Variants in WDR89 observed in about 807,000 individuals in gnomAD.
WDR89 encodes WD repeat domain 89.
Under a neutral mutation model 29.1 loss-of-function variants are expected in WDR89, and 17 were observed. The ratio of observed to expected loss-of-function variants is 0.58; its 90% CI spans 0.40 to 0.88. The LOEUF is 0.88. Among genes scored for constraint, WDR89 ranks in the 40% least tolerant of loss-of-function variants. The pLI is 0.00. For missense variants in WDR89, 396 were observed against 456.3 expected (o/e 0.87, Z 1.20); for synonymous variants, 138 against 157.8 (o/e 0.87, Z 0.94).
At chr14:63,626,514 T>C (rs1883058928) in intron 1 of WDR89, among the ~76,000 whole-genome samples, 1 of 148,150 alleles carries the variant, frequency 6.7e-6, no homozygotes, top group African/African-American at 2.5e-5. Flanking sequence ...CCATCTCTAC[T>C]AAAAATACAA....
chr14:63,622,141 G>C (rs964544712), intron 2 of WDR89, among the ~76,000 whole-genome samples: 1 of 152,180 alleles, frequency 6.6e-6, no homozygotes, highest in Non-Finnish European at 1.5e-5. Context: ...ACAGGTCAAA[G>C]TAAAGTGCAC....
chr14:63,621,429 C>G (rs1445188489), intron 2 of WDR89, among the ~76,000 whole-genome samples: 1 of 152,010 alleles, frequency 6.6e-6, no homozygotes. Context: ...GAAACCCCAT[C>G]TCTACTAAAA....
chr14:63,627,146 A>ACTCTCTCTCTCTCT (rs1226820529), intron 1 of WDR89, among the ~76,000 whole-genome samples: 21 of 130,464 alleles, frequency 1.6e-4, no homozygotes, highest in African/African-American at 6.5e-4. Flanking sequence ...ACACACACAC[A>ACTCTCTCTCTCTCT]CACACTCTCT....
intron 1 of WDR89, among the ~76,000 whole-genome samples, chr14:63,632,414 T>C (rs1883465743): frequency 6.6e-6 from 1 of 152,230 alleles, no homozygotes; most frequent in East Asian, 1.9e-4. Flanking sequence ...ATGGATCATC[T>C]GAGGCCAGGA....
intron 2 of WDR89, among the ~76,000 whole-genome samples, chr14:63,619,827 A>T (rs1306764280): frequency 6.6e-6 from 1 of 152,068 alleles, no homozygotes; most frequent in Admixed American, 6.6e-5. Flanking sequence ...CAACATAGTG[A>T]AACCCCATCT....
At position 63,599,211 on chromosome 14, in the gene WDR89, C is replaced by T; in HGVS notation, c.732G>A (p.Trp244Ter). 2.5e-6 allele frequency: 4 copies of T among 1,605,264 alleles called. No individual in the cohort carries two copies. Among genetic ancestry groups the T allele is most frequent in the Non-Finnish European group, 3.4e-6 (4 of 1,174,368 alleles). ...CATCAGTGTCCAGATGATTAAGATCCCACCAATAAAATCCTTCATCATGTG... is the reference window on the plus strand; with the variant it reads ...CATCAGTGTCCAGATGATTAAGATCTCACCAATAAAATCCTTCATCATGTG... ...CMTHDEGFYW[W>*]DLNHLDTDEP... Residue 244 changes from tryptophan (W) to a stop codon, truncating the protein, a stop_gained, in exon 3 of 3, where the codon TGG becomes TGA. Transcript: ENST00000620954. LOFTEE classifies it high-confidence loss of function.
chr14:63,598,869 T>C lies in WDR89; in HGVS notation c.1074A>G (p.Thr358=). ...WKPGAIEKTF[T]KKESMKIASS... ...ATGCTATTTTCATACTCTCTTTCTT[T>C]GTAAAGGTCTTCTCTATAGCTCCAG... Residue 358 remains threonine, a synonymous_variant, in exon 3 of 3, where the codon ACA becomes ACG. Transcript: ENST00000620954. 6.2e-7 allele frequency: 1 copy of C among 1,614,212 alleles called. No individual in the cohort carries two copies. The highest frequency in any genetic ancestry group is 1.1e-5 in the South Asian group (1 of 91,078).
chr14:63,597,202 A>T lies in WDR89; in HGVS notation c.*1577T>A, dbSNP rs1894837258. ...GTTAAAGGGGCAGAGCCCTTTATAA[A>T]ACCATCAGATCTTGTGAGAACTCAC... On this transcript the variant is annotated 3_prime_UTR_variant, in exon 3 of 3. Coordinates refer to ENST00000620954, the MANE Select transcript of WDR89 (RefSeq NM_080666.4). 6.6e-6 allele frequency: 1 copy of T among 152,174 alleles called. No individual in the cohort carries two copies. Among genetic ancestry groups the T allele is most frequent in the South Asian group, 2.1e-4 (1 of 4,828 alleles). 9.4% of individuals were successfully genotyped at this position (152,174 alleles called of 1,614,324 possible).
intron 1 of WDR89, among the ~76,000 whole-genome samples, chr14:63,638,877 A>C (rs537269063): frequency 9.2e-5 from 14 of 152,352 alleles, no homozygotes; most frequent in Admixed American, 1.3e-4. Context: ...AAAGGTCTTA[A>C]TTCCTGGAAT....
intron 2 of WDR89, among the ~76,000 whole-genome samples, chr14:63,615,408 TC>T (rs1423423046): frequency 6.6e-6 from 1 of 152,202 alleles, no homozygotes; most frequent in Non-Finnish European, 1.5e-5. Context: ...TACTATTTCT[TC>T]ATTTTCTAAT....
Position 63,610,698 on chromosome 14 carries a change from T to C in WDR89, c.-31-10725A>G, listed in dbSNP as rs1032709586. On this transcript the variant is annotated intron_variant, in intron 2 of 2. Transcript: ENST00000620954. ...ATTTGAGGAATATTCTTTTCTTTTC[T>C]TTTCTTTTTTTTTTTTTTTTTTGAG... Among the ~76,000 whole-genome samples the C allele has an allele frequency of 2.0e-5, 3 of 148,628 alleles. No individual in the cohort carries two copies. The Admixed American group carries it at 2.0e-4, about 10-fold the overall frequency.
At chr14:63,620,687 C>A (rs966123077) in intron 2 of WDR89, among the ~76,000 whole-genome samples, 5 of 151,908 alleles carry the variant, frequency 3.3e-5, no homozygotes, top group Admixed American at 6.6e-5. Context: ...AAGTTTGAGA[C>A]CAACCTGGCC....
At chr14:63,636,871 C>G (rs899428167) in intron 1 of WDR89, among the ~76,000 whole-genome samples, 1 of 152,012 alleles carries the variant, frequency 6.6e-6, no homozygotes, top group African/African-American at 2.4e-5. Context: ...ATTTCATGAC[C>G]AAGAACCCAA....
intron 2 of WDR89, among the ~76,000 whole-genome samples, chr14:63,611,193 C>T (rs147378406): frequency 1.5e-3 from 222 of 151,766 alleles, no homozygotes; most frequent in African/African-American, 5.1e-3. Context: ...AAAAATTAGC[C>T]GGGAGTGGTG....
At chr14:63,628,877 T>C (rs1311383570) in intron 1 of WDR89, among the ~76,000 whole-genome samples, 1 of 151,966 alleles carries the variant, frequency 6.6e-6, no homozygotes, top group Non-Finnish European at 1.5e-5. Flanking sequence ...GGTGGGAGGA[T>C]TGCTTGAGTC....
chr14:63,627,148 ACACTCT>A (rs373852492), intron 1 of WDR89, among the ~76,000 whole-genome samples: 240 of 128,386 alleles, frequency 1.9e-3, no homozygotes, highest in South Asian at 7.7e-3. Flanking sequence ...ACACACACAC[ACACTCT>A]CTCTCTCTCT....
At chr14:63,609,558 G>A (rs1881815788) in intron 2 of WDR89, among the ~76,000 whole-genome samples, 1 of 152,160 alleles carries the variant, frequency 6.6e-6, no homozygotes, top group Admixed American at 6.5e-5. Context: ...GGAAGCCGAG[G>A]CGGGCGGATC....
chr14:63,610,030 T>C lies in WDR89; in HGVS notation c.-31-10057A>G, dbSNP rs540331530. ...AAAGACATAGGAGCCAAGAACTCCATTGGCCAATCTAAAACAATCTTAACA... is the reference window on the plus strand; with the variant it reads ...AAAGACATAGGAGCCAAGAACTCCACTGGCCAATCTAAAACAATCTTAACA... On this transcript the variant is annotated intron_variant, in intron 2 of 2. Coordinates refer to ENST00000620954, the MANE Select transcript of WDR89 (RefSeq NM_080666.4). 2.5e-4 allele frequency among the ~76,000 whole-genome samples: 38 copies of C among 151,708 alleles called. No homozygotes were observed. The East Asian group carries it at 3.7e-3, about 15-fold the overall frequency.
intron 1 of WDR89, among the ~76,000 whole-genome samples, chr14:63,628,560 A>G (rs1326434577): frequency 6.6e-6 from 1 of 152,240 alleles, no homozygotes; most frequent in Non-Finnish European, 1.5e-5. Flanking sequence ...CTAGAGATGT[A>G]ACATTTGGGG....
Sources: allele counts gnomAD v4.1 joint callset (sites outside exome capture counted in the v4.1 genomes callset), GRCh38; gene constraint gnomAD v4.1.1; transcripts MANE v1.5; gene names NCBI Gene and HGNC (gene_info 2026-07-23, HGNC 2026-07-21).